Variants in PPM1L observed in about 807,000 individuals in gnomAD.
The protein encoded by PPM1L is protein phosphatase 1L.
PPM1L carries 13 observed loss-of-function variants against 31.4 expected under a neutral mutation model. The ratio of observed to expected loss-of-function variants is 0.41; its 90% CI spans 0.27 to 0.66. The LOEUF (loss-of-function observed/expected upper bound fraction) is 0.66. PPM1L is among the 30% of genes least tolerant of loss of function. PPM1L has a pLI of 0.29. For missense variants in PPM1L, 326 were observed against 453.7 expected (o/e 0.72, Z 2.56); for synonymous variants, 184 against 175.4 (o/e 1.05, Z -0.39).
At chr3:161,047,025 G>A (rs145528875) in intron 2 of PPM1L, among the ~76,000 whole-genome samples, 1,766 of 152,200 alleles carry the variant, frequency 0.012, 45 homozygotes, top group African/African-American at 0.041. Context: ...TTTGAAAACT[G>A]GCACAAGACA....
Position 161,068,930 on chromosome 3 carries a change from A to C in PPM1L, c.856A>C (p.Thr286Pro). ...NVVIPDPDIL[T>P]FDLDKLQPEF... The stretch of plus-strand genomic sequence containing the variant: ...GGTCATCCCAGACCCAGACATCCTG[A>C]CCTTTGACCTGGACAAGCTTCAGCC... Residue 286 changes from threonine (T) to proline (P), a missense_variant, in exon 4 of 4, where the codon ACC (threonine) becomes CCC (proline). Thr to Pro is a conservative substitution (Grantham distance 38, BLOSUM62 -1). Coordinates refer to ENST00000498165, the MANE Select transcript of PPM1L (RefSeq NM_139245.4). The C allele has an allele frequency of 6.2e-7, 1 of 1,614,074 alleles. No individual in the cohort carries two copies.
chr3:160,803,215 A>G (rs7639930), intron 1 of PPM1L, among the ~76,000 whole-genome samples: 8,053 of 152,280 alleles, frequency 0.053, 702 homozygotes, highest in African/African-American at 0.18. Flanking sequence ...ATATGCTCAT[A>G]CCATTCACTT....
In PPM1L at chr3:160,920,639, T is replaced by TCACA. The variant is rs1224798497; in HGVS notation, c.400-41072_400-41069dup. On this transcript the variant is annotated intron_variant, in intron 1 of 3. Transcript: ENST00000498165. ...CTCACACACACACACACACACACAC[T>TCACA]CACACACACACACACACACACACAC... is the stretch of plus-strand genomic sequence containing the variant. 2.1e-3 allele frequency among the ~76,000 whole-genome samples: 132 copies of TCACA among 63,392 alleles called. 1 individual carries two copies. The highest frequency in any genetic ancestry group is 4.0e-3 in the East Asian group (10 of 2,506). 41.6% of individuals were successfully genotyped at this position (63,392 alleles called of 152,430 possible). A position where few individuals can be genotyped will look rare whatever the true frequency, so the allele number is the denominator to read the frequency against.
intron 2 of PPM1L, among the ~76,000 whole-genome samples, chr3:161,061,640 A>T (rs1719573664): frequency 6.6e-6 from 1 of 152,240 alleles, no homozygotes; most frequent in South Asian, 2.1e-4. Flanking sequence ...TACATTATAG[A>T]TTATAAGTAA....
At chr3:160,840,147 C>A (rs895948868) in intron 1 of PPM1L, among the ~76,000 whole-genome samples, 4 of 152,172 alleles carry the variant, frequency 2.6e-5, no homozygotes, top group Non-Finnish European at 5.9e-5. Flanking sequence ...TTCTCAACCT[C>A]ATTTGCTAAT....
intron 2 of PPM1L, among the ~76,000 whole-genome samples, chr3:160,966,956 C>T (rs891666900): frequency 6.6e-6 from 1 of 152,050 alleles, no homozygotes; most frequent in Non-Finnish European, 1.5e-5. Context: ...TTAATCCAGT[C>T]AGCCTGTGAT....
At chr3:160,807,499 T>G (rs931865851) in intron 1 of PPM1L, among the ~76,000 whole-genome samples, 13 of 152,218 alleles carry the variant, frequency 8.5e-5, no homozygotes, top group Non-Finnish European at 1.6e-4. Context: ...TGCCAATTGC[T>G]TTTCTTTCTT....
At chr3:161,068,388 T>C (rs1308767799) in intron 3 of PPM1L, among the ~76,000 whole-genome samples, 4 of 152,166 alleles carry the variant, frequency 2.6e-5, no homozygotes, top group Non-Finnish European at 4.4e-5. Context: ...TTGAGACCTA[T>C]ATAGGCACAC....
intron 1 of PPM1L, among the ~76,000 whole-genome samples, chr3:160,847,361 G>A (rs1242239078): frequency 6.6e-6 from 1 of 152,062 alleles, no homozygotes; most frequent in East Asian, 1.9e-4. Flanking sequence ...GATATAGAGT[G>A]GAATGAAGAA....
At chr3:160,766,206 A>C (rs1715097858) in intron 1 of PPM1L, among the ~76,000 whole-genome samples, 2 of 151,692 alleles carry the variant, frequency 1.3e-5, no homozygotes, top group Non-Finnish European at 2.9e-5. Context: ...GGCAAAAATC[A>C]TGCATATTGA....
intron 1 of PPM1L, chr3:160,842,131 G>T: frequency 1.6e-6 from 1 of 630,792 alleles, no homozygotes; most frequent in East Asian, 2.7e-5. Flanking sequence ...GTTTCAGAAG[G>T]AGAGAGATTT....
intron 1 of PPM1L, among the ~76,000 whole-genome samples, chr3:160,960,295 T>G (rs1715911414): frequency 6.6e-6 from 1 of 152,174 alleles, no homozygotes; most frequent in South Asian, 2.1e-4. Flanking sequence ...ATGTATATCT[T>G]ATATAGTGTT....
chr3:160,867,877 T>C (rs1712151643), intron 1 of PPM1L, among the ~76,000 whole-genome samples: 1 of 152,174 alleles, frequency 6.6e-6, no homozygotes, highest in African/African-American at 2.4e-5. Flanking sequence ...TATGACACTT[T>C]AATATATTTA....
intron 1 of PPM1L, among the ~76,000 whole-genome samples, chr3:160,839,278 T>C (rs1713800543): frequency 6.6e-6 from 1 of 152,248 alleles, no homozygotes; most frequent in South Asian, 2.1e-4. Context: ...ACTTAGATTA[T>C]ATGACGTAGT....
intron 2 of PPM1L, among the ~76,000 whole-genome samples, chr3:161,025,048 T>A (rs1451113535): frequency 6.6e-6 from 1 of 152,222 alleles, no homozygotes; most frequent in Non-Finnish European, 1.5e-5. Context: ...AAGTTGTTTT[T>A]AACAATTTTT....
chr3:160,782,965 A>G (rs1254104904), intron 1 of PPM1L, among the ~76,000 whole-genome samples: 2 of 152,202 alleles, frequency 1.3e-5, no homozygotes, highest in Admixed American at 6.5e-5. Flanking sequence ...TTGCCTTTCA[A>G]AGTGGTGATT....
At chr3:160,908,254 A>G (rs1264746857) in intron 1 of PPM1L, among the ~76,000 whole-genome samples, 2 of 152,132 alleles carry the variant, frequency 1.3e-5, no homozygotes, top group African/African-American at 4.8e-5. Flanking sequence ...CTATATTTAT[A>G]TTATGTTTTA....
At chr3:160,944,954 AAC>A (rs1576732219) in intron 1 of PPM1L, among the ~76,000 whole-genome samples, 1 of 56,884 alleles carries the variant, frequency 1.8e-5, no homozygotes, top group African/African-American at 6.8e-5. Flanking sequence ...AACTATATAT[AAC>A]TATATAACAT....
intron 1 of PPM1L, among the ~76,000 whole-genome samples, chr3:160,791,622 T>C (rs1264147301): frequency 6.6e-6 from 1 of 152,176 alleles, no homozygotes; most frequent in African/African-American, 2.4e-5. Flanking sequence ...CCTGTGCTTA[T>C]GAAATTTGCT....
Sources: allele counts gnomAD v4.1 joint callset (sites outside exome capture counted in the v4.1 genomes callset), GRCh38; gene constraint gnomAD v4.1.1; transcripts MANE v1.5; gene names NCBI Gene and HGNC (gene_info 2026-07-23, HGNC 2026-07-21).